Variants in DNAH6 observed in about 807,000 individuals in gnomAD.
The protein encoded by DNAH6 is dynein axonemal heavy chain 6, also known as axonemal beta dynein heavy chain 6.
Under a neutral mutation model 491.4 loss-of-function variants are expected in DNAH6, and 340 were observed. That is an observed-to-expected ratio of 0.69 (90% CI 0.63 to 0.76). The LOEUF (loss-of-function observed/expected upper bound fraction) is 0.76, where lower values mean the gene tolerates loss of function less well. Among genes scored for constraint, DNAH6 ranks in the 30% least tolerant of loss-of-function variants. DNAH6 has a pLI of 0.00. For missense variants in DNAH6, 4,443 were observed against 4,972.2 expected (o/e 0.89, Z 3.20); for synonymous variants, 1,603 against 1,686.1 (o/e 0.95, Z 1.21).
intron 48 of DNAH6, among the ~76,000 whole-genome samples, chr2:84,700,010 G>T (rs1217652898): frequency 6.6e-6 from 1 of 152,172 alleles, no homozygotes; most frequent in African/African-American, 2.4e-5. Context: ...AGAGAGAAGA[G>T]GGGAGAGAAA....
chr2:84,721,180 C>G (rs1359583940), intron 59 of DNAH6, among the ~76,000 whole-genome samples: 1 of 152,208 alleles, frequency 6.6e-6, no homozygotes, highest in Non-Finnish European at 1.5e-5. Flanking sequence ...TCTACATTAT[C>G]AGTGCCTTGT....
At chr2:84,485,960 A>G in the DNAH6 span, among the ~76,000 whole-genome samples, 1 of 152,038 alleles carries the variant, frequency 6.6e-6, no homozygotes, top group East Asian at 1.9e-4. Context: ...AATTGAAACA[A>G]AAGTTTTAAA....
chr2:84,686,645 T>C, intron 44 of DNAH6, 88 bp downstream of exon 44: 1 of 854,762 alleles, frequency 1.2e-6, no homozygotes, highest in Non-Finnish European at 1.8e-6. Flanking sequence ...ATAAAAACTT[T>C]ACATGTGTGA....
At chr2:84,469,552 A>G in the DNAH6 span, among the ~76,000 whole-genome samples, 1 of 152,202 alleles carries the variant, frequency 6.6e-6, no homozygotes, top group Non-Finnish European at 1.5e-5. The surrounding 1 kb of genome is among the most constrained non-coding windows in gnomAD (Gnocchi z 4.0). Context: ...AAAGTAGAGA[A>G]GTAAAGTATT....
intron 33 of DNAH6, among the ~76,000 whole-genome samples, chr2:84,645,829 G>A (rs1689841064): frequency 6.6e-6 from 1 of 152,090 alleles, no homozygotes. Context: ...TCCACATCTA[G>A]CCTCAAGCAA....
chr2:84,809,339 A>G (rs2105329315), intron 72 of DNAH6, among the ~76,000 whole-genome samples: 1 of 152,322 alleles, frequency 6.6e-6, no homozygotes, highest in Middle Eastern at 3.4e-3. Flanking sequence ...GAGATCTTTT[A>G]CAGCTAAAGA....
rs1695870241 is a variant in DNAH6, at chr2:84,701,238, A to G, written c.7960A>G (p.Asn2654Asp). Residue 2654 changes from asparagine (N) to aspartate (D), a missense_variant, in exon 49 of 77, where the codon AAT becomes GAT. Physicochemically the swap from Asn to Asp is conservative, Grantham distance 23. Coordinates refer to ENST00000389394, the MANE Select transcript of DNAH6 (RefSeq NM_001370.2). ...CTCCAGCATGGCAGAGCGCTATTACAATGAGCTGCGCAGGCGGTACTACAC... is the reference window on the plus strand; with the variant it reads ...CTCCAGCATGGCAGAGCGCTATTACGATGAGCTGCGCAGGCGGTACTACAC... The part of the protein sequence containing the change: ...SVSSMAERYY[N>D]ELRRRYYTTP... 6.4e-7 allele frequency: 1 copy of G among 1,551,566 alleles called. No homozygotes were observed. The highest frequency in any genetic ancestry group is 8.7e-7 in the Non-Finnish European group (1 of 1,146,994).
At chr2:84,779,249 C>A (rs958977594) in intron 64 of DNAH6, among the ~76,000 whole-genome samples, 1 of 152,132 alleles carries the variant, frequency 6.6e-6, no homozygotes, top group Non-Finnish European at 1.5e-5. Flanking sequence ...CTTGAAGTAC[C>A]CCCACTATTA....
At chr2:84,709,990 G>C (rs1028621920) in intron 55 of DNAH6, among the ~76,000 whole-genome samples, 2 of 152,188 alleles carry the variant, frequency 1.3e-5, no homozygotes, top group African/African-American at 4.8e-5. Context: ...GTACTAAATA[G>C]GGTTTGGAAG....
chr2:84,681,479 C>T lies in DNAH6; in HGVS notation c.6867C>T (p.Ala2289=). 6.4e-7 allele frequency: 1 copy of T among 1,551,170 alleles called. No homozygotes were observed. Among genetic ancestry groups the T allele is most frequent in the Non-Finnish European group, 8.7e-7 (1 of 1,146,788 alleles). ...GTGTTGACCTCCTGCCAACACCCGC[C>T]AAGTCCCATTATGTCTTTAACTTGA... is the stretch of plus-strand genomic sequence containing the variant. ...KMSVDLLPTP[A]KSHYVFNLRD... is the part of the protein sequence containing the mutation. The change falls in exon 42 of 77, where the codon GCC becomes GCT. Residue 2289 remains alanine (A), a synonymous_variant. Transcript: ENST00000389394.
At chr2:84,622,624 G>C (rs2104407887) in intron 26 of DNAH6, among the ~76,000 whole-genome samples, 1 of 152,276 alleles carries the variant, frequency 6.6e-6, no homozygotes, top group African/African-American at 2.4e-5. Flanking sequence ...TGTGAATAAT[G>C]CTGCAATGAA....
chr2:84,704,377 T>C, intron 51 of DNAH6, 75 bp downstream of exon 51: 1 of 1,100,660 alleles, frequency 9.1e-7, no homozygotes, highest in South Asian at 1.5e-5. Context: ...TGGTAATGTA[T>C]ATATTCATTC....
chr2:84,542,028 T>C (rs1199400406), intron 4 of DNAH6, among the ~76,000 whole-genome samples: 1 of 152,126 alleles, frequency 6.6e-6, no homozygotes, highest in Non-Finnish European at 1.5e-5. Context: ...AGGAAAAGAC[T>C]TGGGGGCTTG....
chr2:84,481,578 T>A, the DNAH6 span, among the ~76,000 whole-genome samples: 1 of 152,228 alleles, frequency 6.6e-6, no homozygotes, highest in African/African-American at 2.4e-5. Flanking sequence ...TTTCTCTGAG[T>A]CTTAGATTCC....
At chr2:84,588,725 G>A in intron 15 of DNAH6, 101 bp from the exon 16 acceptor site, 1 of 1,117,232 alleles carries the variant, frequency 9.0e-7, no homozygotes, top group African/African-American at 1.6e-5. Context: ...AAAAAGAAAA[G>A]AGAAAGGAAT....
chr2:84,705,546 A>G lies in DNAH6; in HGVS notation c.8526A>G (p.Leu2842=). ...LGDSNFLKRL[L]EYDKENIKPQ... is the part of the protein sequence containing the mutation. ...ACTCTAACTTTCTAAAAAGGCTTTT[A>G]GAATATGATAAGGAGAACATAAAGC... The change falls in exon 52 of 77, where the codon TTA becomes TTG. Residue 2842 remains leucine, a synonymous_variant. Coordinates refer to ENST00000389394, the MANE Select transcript of DNAH6 (RefSeq NM_001370.2). The G allele has an allele frequency of 6.4e-7, 1 of 1,551,414 alleles. No homozygotes were observed. Among genetic ancestry groups the G allele is most frequent in the Non-Finnish European group, 8.7e-7 (1 of 1,146,870 alleles).
intron 65 of DNAH6, among the ~76,000 whole-genome samples, chr2:84,782,442 A>G (rs1265130125): frequency 6.6e-6 from 1 of 152,112 alleles, no homozygotes; most frequent in Non-Finnish European, 1.5e-5. Context: ...AGCTCTGCAG[A>G]TGATCTTGCA....
At chr2:84,735,143 A>ATACAG (rs1413245478) in intron 62 of DNAH6, among the ~76,000 whole-genome samples, 5 of 152,196 alleles carry the variant, frequency 3.3e-5, no homozygotes, top group African/African-American at 1.2e-4. Flanking sequence ...AAGTGAGACC[A>ATACAG]TACAGTATTT....
chr2:84,688,922 T>C (rs1468420303), intron 45 of DNAH6, among the ~76,000 whole-genome samples: 1 of 152,220 alleles, frequency 6.6e-6, no homozygotes, highest in Non-Finnish European at 1.5e-5. Context: ...CATGCATGCC[T>C]AAAGAAAGAG....
Sources: allele counts gnomAD v4.1 joint callset (sites outside exome capture counted in the v4.1 genomes callset), GRCh38; gene constraint gnomAD v4.1.1; non-coding constraint Gnocchi (gnomAD v3.1); transcripts MANE v1.5; gene names NCBI Gene and HGNC (gene_info 2026-07-23, HGNC 2026-07-21).